Variants in PMPCB observed in about 807,000 individuals in gnomAD.
PMPCB encodes the protein peptidase, mitochondrial processing subunit beta, also known as mitochondrial-processing peptidase subunit beta.
PMPCB carries 46 observed loss-of-function variants against 61.5 expected under a neutral mutation model. The observed-to-expected ratio is 0.75, with a 90% CI of 0.59 to 0.96. The LOEUF is 0.96. Among genes scored for constraint, PMPCB ranks in the 40% least tolerant of loss-of-function variants. PMPCB has a pLI of 0.00. For synonymous variants in PMPCB, 191 were observed against 201.6 expected, an observed-to-expected ratio of 0.95 and a Z score of 0.44; for missense variants, 590 against 602.4, an observed-to-expected ratio of 0.98 and a Z score of 0.22.
exon 13 of PMPCB, chr7:103,328,949 A>G: frequency 8.2e-7 from 1 of 1,215,198 alleles, no homozygotes; most frequent in South Asian, 1.3e-5. Flanking sequence ...CACAGAAGTG[A>G]ACTTCATGAA....
chr7:103,331,609 C>G (rs1369376829), downstream of PMPCB, among the ~76,000 whole-genome samples: 1 of 152,184 alleles, frequency 6.6e-6, no homozygotes, highest in Non-Finnish European at 1.5e-5. Flanking sequence ...TGAGAACATG[C>G]AATATTTGCC....
chr7:103,301,083 CACTTAACACAAGT>C (rs1817438030), intron 4 of PMPCB, among the ~76,000 whole-genome samples: 1 of 152,178 alleles, frequency 6.6e-6, no homozygotes. Context: ...GTTTAAATGG[CACTTAACACAAGT>C]ACTTTTGTGT....
chr7:103,339,048 CAG>C, the PMPCB span, among the ~76,000 whole-genome samples: 1 of 152,160 alleles, frequency 6.6e-6, no homozygotes, highest in Admixed American at 6.5e-5. Flanking sequence ...AATAAACAAA[CAG>C]AAACCTGTAA....
At chr7:103,332,624 CT>C (rs141891416), downstream of PMPCB, among the ~76,000 whole-genome samples, 92 of 146,842 alleles carry the variant, frequency 6.3e-4, no homozygotes, top group Non-Finnish European at 8.5e-4. Context: ...GTTTTTCATC[CT>C]TTTTTTTTTG....
At chr7:103,340,929 C>A in the PMPCB span, among the ~76,000 whole-genome samples, 7,344 of 152,242 alleles carry the variant, frequency 0.048, 237 homozygotes, top group African/African-American at 0.08. Flanking sequence ...GCACCTCCCA[C>A]AAACATTCTT....
chr7:103,327,443 C>A, intron 12 of PMPCB: 1 of 787,868 alleles, frequency 1.3e-6, no homozygotes, highest in Non-Finnish European at 2.0e-6. Context: ...TTCTAATAAG[C>A]TGCCAGGTGT....
chr7:103,337,707 T>A, the PMPCB span: 1 of 1,557,806 alleles, frequency 6.4e-7, no homozygotes, highest in South Asian at 1.1e-5. Context: ...ACAAGATATT[T>A]GATTATTTCA....
intron 7 of PMPCB, 102 bp downstream of exon 7, chr7:103,307,810 G>A: frequency 1.5e-6 from 1 of 679,520 alleles, no homozygotes; most frequent in South Asian, 1.7e-5. Context: ...GAAAAGAATG[G>A]AATAATAGGA....
the PMPCB span, among the ~76,000 whole-genome samples, chr7:103,341,409 G>C: frequency 6.6e-6 from 1 of 152,226 alleles, no homozygotes; most frequent in East Asian, 1.9e-4. Flanking sequence ...TACCCTATAC[G>C]ACTTATCAAT....
chr7:103,303,134 T>A (rs1460242884), intron 4 of PMPCB, among the ~76,000 whole-genome samples: 2 of 152,212 alleles, frequency 1.3e-5, no homozygotes, highest in Admixed American at 6.5e-5. Flanking sequence ...TATTTTAGAT[T>A]GTAAGGATTC....
chr7:103,334,859 A>G, the PMPCB span, among the ~76,000 whole-genome samples: 1 of 152,162 alleles, frequency 6.6e-6, no homozygotes, highest in Non-Finnish European at 1.5e-5. Context: ...TTTTTGAGGC[A>G]GTTTCCCTCT....
chr7:103,330,125 C>A (rs1025377455), downstream of PMPCB, among the ~76,000 whole-genome samples: 1 of 152,174 alleles, frequency 6.6e-6, no homozygotes, highest in African/African-American at 2.4e-5. Flanking sequence ...AAACTGTATT[C>A]TATGTGCTTT....
chr7:103,301,805 A>AT (rs1817458855), intron 4 of PMPCB, among the ~76,000 whole-genome samples: 1 of 151,474 alleles, frequency 6.6e-6, no homozygotes, highest in African/African-American at 2.4e-5. Flanking sequence ...TTTAATTTTT[A>AT]TTTTTTATTA....
exon 13 of PMPCB, chr7:103,329,264 A>G (rs1018380801): frequency 2.9e-5 from 6 of 203,730 alleles, no homozygotes; most frequent in African/African-American, 9.5e-5. Flanking sequence ...GGAAAGTGCT[A>G]TTGCTGTCTC....
chr7:103,328,748 T>G (rs1167178968), intron 12 of PMPCB, among the ~76,000 whole-genome samples: 5 of 152,238 alleles, frequency 3.3e-5, no homozygotes, highest in African/African-American at 1.2e-4. Flanking sequence ...CCTTGCAAAC[T>G]CTTCAAATTT....
rs1433480423 is a variant in PMPCB at position 103,314,462 on chromosome 7, C to T, written c.*2191C>T. The T allele has an allele frequency of 1.7e-5, 17 of 985,246 alleles. No homozygotes were observed. The highest frequency in any genetic ancestry group is 1.1e-4 in the East Asian group (1 of 8,824). 61.0% of individuals were successfully genotyped at this position (985,246 alleles called of 1,614,324 possible). On this transcript the variant is annotated 3_prime_UTR_variant, in exon 13 of 13. Coordinates refer to ENST00000249269, the MANE Select transcript of PMPCB (RefSeq NM_004279.3). ...CTCTTGCCTTCACAGGGTCACCTCT[C>T]CTCACAGAAAGCAGACTGGACAAAT...
chr7:103,323,730 G>A (rs538173033), intron 12 of PMPCB: 9 of 1,183,708 alleles, frequency 7.6e-6, no homozygotes, highest in East Asian at 6.3e-5. Flanking sequence ...TTTAATGCAA[G>A]TGAATGAATT....
At chr7:103,316,765 G>C, downstream of PMPCB, 1 of 1,307,870 alleles carries the variant, frequency 7.6e-7, no homozygotes, top group Non-Finnish European at 1.1e-6. Flanking sequence ...CTGCTATTTG[G>C]AGTCTGTCTA....
At chr7:103,344,127 A>T in the PMPCB span, 1 of 172,736 alleles carries the variant, frequency 5.8e-6, no homozygotes, top group Non-Finnish European at 1.2e-5. Context: ...TTAAAAAACA[A>T]GGCCGGAGCA....
Sources: allele counts gnomAD v4.1 joint callset (sites outside exome capture counted in the v4.1 genomes callset), GRCh38; gene constraint gnomAD v4.1.1; transcripts MANE v1.5; gene names NCBI Gene and HGNC (gene_info 2026-07-23, HGNC 2026-07-21).